The following FHOD3 variants were observed in gnomAD, a reference collection of about 807,000 sequenced individuals.
FHOD3 encodes the protein FH1/FH2 domain-containing protein 3.
FHOD3 carries 90 observed loss-of-function variants against 173.0 expected under a neutral mutation model. That is an observed-to-expected ratio of 0.52 (90% confidence interval 0.44 to 0.62). FHOD3 has a LOEUF of 0.62. FHOD3 is among the 20% of genes least tolerant of loss of function. The pLI is 0.00. For missense variants in FHOD3, 1,945 were observed against 2,034.7 expected, an observed-to-expected ratio of 0.96 and a Z score of 0.85; for synonymous variants, 828 against 823.0, an observed-to-expected ratio of 1.01 and a Z score of -0.10.
At chr18:36,579,801 C>T (rs968587837) in intron 6 of FHOD3, among the ~76,000 whole-genome samples, 6 of 151,928 alleles carry the variant, frequency 3.9e-5, no homozygotes, top group Non-Finnish European at 8.8e-5. Flanking sequence ...TTCTGTTCTT[C>T]ATAAATTACC....
intron 6 of FHOD3, among the ~76,000 whole-genome samples, chr18:36,593,157 T>C (rs1568468181): frequency 6.6e-6 from 1 of 152,178 alleles, no homozygotes; most frequent in Non-Finnish European, 1.5e-5. Context: ...CACATGGTGC[T>C]GAGAGTTGAG....
At chr18:36,414,832 A>G (rs2049547276) in intron 3 of FHOD3, among the ~76,000 whole-genome samples, 1 of 152,214 alleles carries the variant, frequency 6.6e-6, no homozygotes, top group African/African-American at 2.4e-5. Context: ...CACAAAGGTC[A>G]GATTGAAGCT....
At chr18:36,573,063 T>A (rs961486434) in intron 5 of FHOD3, among the ~76,000 whole-genome samples, 10 of 148,008 alleles carry the variant, frequency 6.8e-5, no homozygotes, top group African/African-American at 2.5e-4. Flanking sequence ...AGGGTGGGGG[T>A]GGTGGTGGTA....
chr18:36,516,110 C>T (rs187334505), intron 5 of FHOD3, among the ~76,000 whole-genome samples: 4 of 152,250 alleles, frequency 2.6e-5, no homozygotes, highest in East Asian at 3.9e-4. Context: ...CAATTTCTCA[C>T]GTAGGCTTTT....
chr18:36,523,197 A>G (rs143218858), intron 5 of FHOD3, among the ~76,000 whole-genome samples: 59 of 152,302 alleles, frequency 3.9e-4, no homozygotes, highest in African/African-American at 1.3e-3. Flanking sequence ...CTTCCAGGTA[A>G]CGTTGGCCTT....
chr18:36,585,240 CATT>C (rs1452628700), intron 6 of FHOD3, among the ~76,000 whole-genome samples: 3 of 152,140 alleles, frequency 2.0e-5, no homozygotes, highest in African/African-American at 7.2e-5. Context: ...TGTTTATCAA[CATT>C]ATATTCGATG....
At chr18:36,404,676 T>C (rs1179136070) in intron 3 of FHOD3, among the ~76,000 whole-genome samples, 1 of 152,104 alleles carries the variant, frequency 6.6e-6, no homozygotes, top group Non-Finnish European at 1.5e-5. Flanking sequence ...GTTCGTGCAA[T>C]TCTCATGCAC....
intron 5 of FHOD3, among the ~76,000 whole-genome samples, chr18:36,555,292 G>C (rs2057830011): frequency 6.6e-6 from 1 of 151,574 alleles, no homozygotes; most frequent in Non-Finnish European, 1.5e-5. Flanking sequence ...CTTTAACCCT[G>C]GGTTATTTAG....
intron 18 of FHOD3, chr18:36,709,700 C>G (rs980258815): frequency 2.9e-6 from 1 of 344,610 alleles, no homozygotes; most frequent in East Asian, 5.1e-5. Flanking sequence ...AGAAGAGAAA[C>G]CTCTCACTTC....
chr18:36,651,660 A>C (rs894296914), intron 11 of FHOD3, among the ~76,000 whole-genome samples: 1 of 152,100 alleles, frequency 6.6e-6, no homozygotes, highest in Admixed American at 6.5e-5. Context: ...GCTGAGGCAG[A>C]AGGGTTGCTT....
At chr18:36,758,694 A>G (rs1161425076) in intron 25 of FHOD3, among the ~76,000 whole-genome samples, 1 of 152,208 alleles carries the variant, frequency 6.6e-6, no homozygotes, top group East Asian at 1.9e-4. Context: ...AAGCCAGTCC[A>G]CTTAGAGGGG....
At chr18:36,393,979 T>C (rs1223523024) in intron 3 of FHOD3, among the ~76,000 whole-genome samples, 1 of 152,128 alleles carries the variant, frequency 6.6e-6, no homozygotes, top group Non-Finnish European at 1.5e-5. Flanking sequence ...GAAGGGTTTA[T>C]TTAAATAACA....
intron 3 of FHOD3, among the ~76,000 whole-genome samples, chr18:36,390,832 G>A (rs759485938): frequency 3.9e-5 from 6 of 152,190 alleles, no homozygotes; most frequent in Non-Finnish European, 8.8e-5. Flanking sequence ...TTATTAAACC[G>A]TCAGACTCTT....
At chr18:36,557,575 G>T (rs1238740011) in intron 5 of FHOD3, among the ~76,000 whole-genome samples, 2 of 152,108 alleles carry the variant, frequency 1.3e-5, no homozygotes, top group African/African-American at 4.8e-5. Flanking sequence ...GTTCTTGTCT[G>T]ATAATTCCCA....
chr18:36,466,946 A>C (rs945955347), intron 3 of FHOD3, among the ~76,000 whole-genome samples: 1 of 151,958 alleles, frequency 6.6e-6, no homozygotes, highest in African/African-American at 2.4e-5. Context: ...AAGGCTAGGT[A>C]GGTACCTGGA....
At chr18:36,709,828 T>G (rs2040074514) in intron 18 of FHOD3, 1 of 161,388 alleles carries the variant, frequency 6.2e-6, no homozygotes, top group South Asian at 1.8e-4. Context: ...ATGTGTTTAC[T>G]GAAGTGTGTT....
intron 2 of FHOD3, among the ~76,000 whole-genome samples, chr18:36,360,195 G>A (rs1450468754): frequency 6.6e-6 from 1 of 152,236 alleles, no homozygotes; most frequent in Non-Finnish European, 1.5e-5. Flanking sequence ...TTGGGTATTT[G>A]GAAGGTGCAG....
intron 10 of FHOD3, among the ~76,000 whole-genome samples, chr18:36,635,262 A>C (rs912022179): frequency 3.0e-4 from 46 of 152,190 alleles, no homozygotes. Context: ...ATTCGTTGTG[A>C]CCAGATTGCA....
chr18:36,694,590 A>G (rs1273984969), intron 17 of FHOD3, among the ~76,000 whole-genome samples: 2 of 152,122 alleles, frequency 1.3e-5, no homozygotes, highest in Admixed American at 1.3e-4. Flanking sequence ...GCCTTATATC[A>G]TTGCTATTAT....
Sources: gnomAD v4.1 joint callset for allele counts (sites outside exome capture counted in the v4.1 genomes callset) on GRCh38, gnomAD v4.1.1 for gene constraint, MANE v1.5 for transcripts, NCBI Gene and HGNC (gene_info 2026-07-23, HGNC 2026-07-21) for gene names.